RERE: variants seen among roughly 807,000 people sequenced by gnomAD.
The protein encoded by RERE is arginine-glutamic acid dipeptide repeats protein.
A neutral mutation model predicts 146.1 loss-of-function variants in RERE; 40 were observed. The observed-to-expected ratio is 0.27, with a 90% confidence interval of 0.21 to 0.36. The LOEUF (loss-of-function observed/expected upper bound fraction) is 0.36. Among genes scored for constraint, RERE ranks in the 10% least tolerant of loss-of-function variants. The pLI is 1.00. For synonymous variants in RERE, 1,003 were observed against 866.0 expected (o/e 1.16, Z -2.78); for missense variants, 1,933 against 2,138.7 (o/e 0.90, Z 1.90).
At chr1:8,614,734 G>A in intron 3 of RERE, 48 bp from the exon 4 acceptor site, 2 of 1,563,746 alleles carry the variant, frequency 1.3e-6, no homozygotes, top group African/African-American at 1.4e-5. Flanking sequence ...GCCCCATCAT[G>A]CCCTGGTTAT....
At chr1:8,745,478 C>G (rs1640401576) in intron 1 of RERE, among the ~76,000 whole-genome samples, 1 of 152,158 alleles carries the variant, frequency 6.6e-6, no homozygotes, top group Non-Finnish European at 1.5e-5. Context: ...AATTTCATTT[C>G]TATCTCCCAA....
chr1:8,784,418 T>C (rs981444159), intron 1 of RERE, among the ~76,000 whole-genome samples: 3 of 152,164 alleles, frequency 2.0e-5, no homozygotes, highest in Non-Finnish European at 2.9e-5. Context: ...TTGGATTCCA[T>C]AGAATATAAG....
intron 11 of RERE, chr1:8,465,535 A>AT (rs1644583804): frequency 2.9e-6 from 1 of 347,322 alleles, no homozygotes; most frequent in African/African-American, 2.1e-5. Context: ...AATAATTATG[A>AT]TTAAAAAAAA....
chr1:8,549,242 T>A (rs1051139247), intron 6 of RERE, among the ~76,000 whole-genome samples: 1 of 151,946 alleles, frequency 6.6e-6, no homozygotes, highest in African/African-American at 2.4e-5. Context: ...GCGCTGGAAG[T>A]TAGAAAATAA....
At chr1:8,738,350 T>G (rs1018308908) in intron 1 of RERE, among the ~76,000 whole-genome samples, 1 of 152,178 alleles carries the variant, frequency 6.6e-6, no homozygotes, top group East Asian at 1.9e-4. Context: ...TGGTGTGAAC[T>G]TGGCTCACTG....
At chr1:8,453,307 C>T (rs1644410407) in intron 11 of RERE, among the ~76,000 whole-genome samples, 1 of 152,146 alleles carries the variant, frequency 6.6e-6, no homozygotes, top group Admixed American at 6.5e-5. Context: ...GCAGTAGGAT[C>T]CCAAAAATCC....
In RERE at chr1:8,400,203, C is replaced by T. The variant is rs1643199906; in HGVS notation, c.1284+22524G>A. 3.2e-5 allele frequency among the ~76,000 whole-genome samples: 4 copies of T among 125,042 alleles called. No individual in the cohort carries two copies. In the South Asian group the frequency reaches 1.0e-3, roughly 33 times the overall value. 82.0% of individuals were successfully genotyped at this position (125,042 alleles called of 152,430 possible). A position where few individuals can be genotyped will look rare whatever the true frequency, so the allele number is the denominator to read the frequency against. On this transcript the variant is annotated intron_variant, in intron 12 of 22. Coordinates refer to ENST00000400908, the MANE Select transcript of RERE (RefSeq NM_001042681.2). ...ACCTACAAATCAGTTTTGTCTCTTC[C>T]TTTCCATTCCTGTGTCATATGTGTG...
chr1:8,510,167 G>A (rs1040137424), intron 7 of RERE, among the ~76,000 whole-genome samples: 3 of 152,134 alleles, frequency 2.0e-5, no homozygotes, highest in Non-Finnish European at 2.9e-5. Flanking sequence ...TCCAGCTGGC[G>A]AGGCAGCATC....
chr1:8,587,507 C>T (rs1254982907), intron 4 of RERE, among the ~76,000 whole-genome samples: 1 of 152,202 alleles, frequency 6.6e-6, no homozygotes, highest in Non-Finnish European at 1.5e-5. Flanking sequence ...CTCCCCTCCA[C>T]CACTAACTCT....
chr1:8,739,129 T>C (rs1167547756), intron 1 of RERE, among the ~76,000 whole-genome samples: 1 of 152,198 alleles, frequency 6.6e-6, no homozygotes, highest in Non-Finnish European at 1.5e-5. Context: ...TAATGAGAAG[T>C]TGGCAAATAA....
chr1:8,562,850 C>T (rs902093155), intron 4 of RERE, among the ~76,000 whole-genome samples: 4 of 152,064 alleles, frequency 2.6e-5, no homozygotes, highest in Admixed American at 6.6e-5. Flanking sequence ...TAATAGAGGA[C>T]AAAATCCATC....
rs201028895 is a variant in RERE, at chr1:8,361,166, C to T, written c.2341G>A (p.Ala781Thr). The T allele has an allele frequency of 2.8e-6, 4 of 1,452,850 alleles. No individual in the cohort carries two copies. The East Asian group carries it at 7.4e-5, about 27-fold the overall frequency. 90.0% of individuals were successfully genotyped at this position (1,452,850 alleles called of 1,614,324 possible). The change falls in exon 18 of 23, where the codon GCC (alanine) becomes ACC (threonine). Residue 781 changes from alanine to threonine, a missense_variant. Ala to Thr is a moderately conservative substitution (Grantham distance 58). Coordinates refer to ENST00000400908, the MANE Select transcript of RERE (RefSeq NM_001042681.2). ...TGTGGCTGGTTAGGGGCCTGGGAGG[C>T]CGTGGGGGAGCCCTGTGGGGGAACT... ...TAVPPQGSPTASQAPNQPQAP... is the reference protein window; with the variant it reads ...TAVPPQGSPTTSQAPNQPQAP...
rs1641937387 is a variant in RERE, at chr1:8,817,410, A to C, written c.-395T>G. The C allele has an allele frequency of 6.6e-6, 1 of 150,896 alleles. No homozygotes were observed. The highest frequency in any genetic ancestry group is 2.4e-5 in the African/African-American group (1 of 40,916). 9.3% of individuals were successfully genotyped at this position (150,896 alleles called of 1,614,324 possible). A position where few individuals can be genotyped will look rare whatever the true frequency, so the allele number is the denominator to read the frequency against. On this transcript the variant is annotated 5_prime_UTR_variant, in exon 1 of 23. The change abolishes an upstream ATG in the 5' untranslated region. Transcript: ENST00000400908. ...CTTTCAGAAGCAGGAGCCCAGGATC[A>C]TGTCTGGTTTTGTTTTCCGAGGGCG...
chr1:8,383,631 T>C (rs769791107), intron 12 of RERE, among the ~76,000 whole-genome samples: 1 of 151,864 alleles, frequency 6.6e-6, no homozygotes, highest in African/African-American at 2.4e-5. Context: ...GAGGCTGAGG[T>C]GGGTGGATCA....
At chr1:8,602,833 AT>A (rs1484358704) in intron 4 of RERE, among the ~76,000 whole-genome samples, 2 of 144,310 alleles carry the variant, frequency 1.4e-5, no homozygotes, top group Non-Finnish European at 3.1e-5. Context: ...TCTTCATCTG[AT>A]TAAAAAAAAA....
intron 19 of RERE, among the ~76,000 whole-genome samples, 171 bp from the exon 20 acceptor site, chr1:8,359,087 C>T (rs1450216664): frequency 6.6e-6 from 1 of 152,172 alleles, no homozygotes; most frequent in Non-Finnish European, 1.5e-5. Flanking sequence ...GCAGTCCAGG[C>T]CCCACAGGGT....
At chr1:8,680,740 ACCT>A (rs1638946109) in intron 1 of RERE, among the ~76,000 whole-genome samples, 2 of 152,154 alleles carry the variant, frequency 1.3e-5, no homozygotes, top group African/African-American at 4.8e-5. Flanking sequence ...AAAGAATTGT[ACCT>A]CCTCAACTCC....
chr1:8,795,327 C>A (rs923385842), intron 1 of RERE, among the ~76,000 whole-genome samples: 5 of 151,576 alleles, frequency 3.3e-5, no homozygotes, highest in African/African-American at 1.2e-4. Context: ...CCCGGCCCCC[C>A]ACTTTTTTTT....
chr1:8,738,830 G>C (rs540616067), intron 1 of RERE, among the ~76,000 whole-genome samples: 16 of 152,216 alleles, frequency 1.1e-4, no homozygotes, highest in African/African-American at 3.9e-4. Context: ...ACTCTATCCT[G>C]ACCATACTGT....
Sources: allele counts gnomAD v4.1 joint callset (sites outside exome capture counted in the v4.1 genomes callset), GRCh38; gene constraint gnomAD v4.1.1; transcripts MANE v1.5; gene names NCBI Gene and HGNC (gene_info 2026-07-23, HGNC 2026-07-21).